The following PTPRT variants were observed in gnomAD, a reference collection of about 807,000 sequenced individuals.
PTPRT encodes protein tyrosine phosphatase receptor type T.
In PTPRT, 56 loss-of-function variants were observed where a neutral mutation model predicts 176.8. The observed-to-expected ratio is 0.32, with a 90% CI of 0.26 to 0.40. PTPRT has a LOEUF of 0.40. PTPRT is among the 10% of genes least tolerant of loss of function. The pLI, the probability that PTPRT is intolerant of heterozygous loss-of-function variation, is 1.00. For synonymous variants in PTPRT, 783 were observed against 739.0 expected, an observed-to-expected ratio of 1.06 and a Z score of -0.96; for missense variants, 1,540 against 1,908.2, an observed-to-expected ratio of 0.81 and a Z score of 3.60.
At chr20:43,002,560 A>G (rs553189253) in intron 1 of PTPRT, among the ~76,000 whole-genome samples, 190 of 152,298 alleles carry the variant, frequency 1.2e-3, no homozygotes, top group African/African-American at 4.4e-3. Flanking sequence ...CATTTACACT[A>G]CAAAAGCCAA....
chr20:43,083,377 T>C (rs1219202675), intron 1 of PTPRT, among the ~76,000 whole-genome samples: 2 of 137,054 alleles, frequency 1.5e-5, no homozygotes, highest in African/African-American at 5.4e-5. Flanking sequence ...TATACATTTT[T>C]TGAGACAGAG....
At chr20:42,131,403 T>C (rs1472994647) in intron 18 of PTPRT, among the ~76,000 whole-genome samples, 1 of 152,222 alleles carries the variant, frequency 6.6e-6, no homozygotes, top group Non-Finnish European at 1.5e-5. Flanking sequence ...CCTTTATTTG[T>C]TGAGTTATGC....
At chr20:42,099,549 G>A (rs376387495) in intron 26 of PTPRT, among the ~76,000 whole-genome samples, 2 of 60,420 alleles carry the variant, frequency 3.3e-5, no homozygotes, top group African/African-American at 4.7e-5. Context: ...GCCTGGGCGG[G>A]GGGGGGGGGG....
intron 1 of PTPRT, among the ~76,000 whole-genome samples, chr20:42,920,237 T>C (rs1046323723): frequency 5.3e-5 from 8 of 152,190 alleles, no homozygotes; most frequent in Non-Finnish European, 8.8e-5. Flanking sequence ...ACTATTAATA[T>C]ACGCAACAAG....
At chr20:42,737,048 G>A (rs1050521416) in intron 6 of PTPRT, among the ~76,000 whole-genome samples, 11 of 152,286 alleles carry the variant, frequency 7.2e-5, no homozygotes, top group Middle Eastern at 3.4e-3. Context: ...TGGGTGCTGC[G>A]GATTCAATTG....
intron 7 of PTPRT, among the ~76,000 whole-genome samples, chr20:42,608,124 G>T (rs1343182910): frequency 6.6e-6 from 1 of 152,148 alleles, no homozygotes; most frequent in Non-Finnish European, 1.5e-5. Context: ...CTTGCATCCA[G>T]ACTCCAGGCT....
At chr20:42,319,553 G>GA (rs1467768103) in intron 11 of PTPRT, among the ~76,000 whole-genome samples, 1 of 152,160 alleles carries the variant, frequency 6.6e-6, no homozygotes, top group Non-Finnish European at 1.5e-5. Flanking sequence ...AATGCAGCCA[G>GA]AAAAATTTAA....
intron 7 of PTPRT, among the ~76,000 whole-genome samples, chr20:42,509,783 G>T (rs1314742862): frequency 6.6e-6 from 1 of 152,026 alleles, no homozygotes; most frequent in African/African-American, 2.4e-5. Context: ...GTTTCAGACT[G>T]ATGTGTCTTA....
chr20:42,629,305 T>C (rs1056659927), intron 7 of PTPRT, among the ~76,000 whole-genome samples: 1 of 152,104 alleles, frequency 6.6e-6, no homozygotes, highest in Non-Finnish European at 1.5e-5. Context: ...AGTTTCTAAA[T>C]AGAGCAGATG....
intron 9 of PTPRT, among the ~76,000 whole-genome samples, chr20:42,399,859 G>T (rs190012660): frequency 2.5e-3 from 386 of 152,316 alleles, no homozygotes; most frequent in South Asian, 0.011. Flanking sequence ...TCACCCGGAA[G>T]AATGTATTGT....
intron 9 of PTPRT, among the ~76,000 whole-genome samples, chr20:42,435,435 A>G (rs1231277700): frequency 6.6e-6 from 1 of 152,138 alleles, no homozygotes. Context: ...TTGGCCATGG[A>G]AGAGGAAGTG....
chr20:42,338,851 C>T (rs1022665941), intron 11 of PTPRT, among the ~76,000 whole-genome samples: 3 of 152,072 alleles, frequency 2.0e-5, no homozygotes, highest in Non-Finnish European at 4.4e-5. Flanking sequence ...CAGACTGAAC[C>T]TCTGAACTGT....
In PTPRT at chr20:42,671,245, G is replaced by A. The variant is rs1462548699; in HGVS notation, c.1153+6621C>T. ...CTTTTAAACCTAATGGACACTCTGT[G>A]TATAATCCATCCAGAGCTGTACGAT... On this transcript the variant is annotated intron_variant, in intron 7 of 30. Transcript: ENST00000373187. Among the ~76,000 whole-genome samples, 8 of 152,160 alleles carry A rather than the reference G, an allele frequency of 5.3e-5. No individual in the cohort carries two copies. In the South Asian group the frequency reaches 8.3e-4, roughly 16 times the overall value.
At position 42,880,300 on chromosome 20, in the gene PTPRT, T is replaced by C. The variant is rs570585735; in HGVS notation, c.214+5507A>G. On this transcript the variant is annotated intron_variant, in intron 2 of 30. Coordinates refer to ENST00000373187, the MANE Select transcript of PTPRT (RefSeq NM_007050.6). Reference sequence around the variant, plus strand: ...CCTAGGGAAGAGGGAGCTCCAACAGTGCCTAAAATATAGTCTCAGCTCCCT... The same window carrying C: ...CCTAGGGAAGAGGGAGCTCCAACAGCGCCTAAAATATAGTCTCAGCTCCCT... Among the ~76,000 whole-genome samples, 9 of 152,252 alleles carry C rather than the reference T, an allele frequency of 5.9e-5. No individual in the cohort carries two copies. In the South Asian group the frequency reaches 1.9e-3, roughly 32 times the overall value.
intron 1 of PTPRT, among the ~76,000 whole-genome samples, chr20:43,096,881 A>C (rs1263254032): frequency 2.0e-5 from 3 of 152,142 alleles, no homozygotes; most frequent in Non-Finnish European, 4.4e-5. Context: ...AGACAGCATA[A>C]ATCCAATGGT....
At chr20:42,930,369 C>T (rs1039762154) in intron 1 of PTPRT, among the ~76,000 whole-genome samples, 15 of 152,342 alleles carry the variant, frequency 9.8e-5, no homozygotes, top group African/African-American at 3.6e-4. Context: ...ATTCATTCAA[C>T]AAAACTCCAC....
At chr20:42,825,716 T>C (rs1254088718) in intron 2 of PTPRT, among the ~76,000 whole-genome samples, 1 of 151,948 alleles carries the variant, frequency 6.6e-6, no homozygotes, top group Non-Finnish European at 1.5e-5. Context: ...AACAAACCCA[T>C]ATATACCAAG....
intron 7 of PTPRT, among the ~76,000 whole-genome samples, chr20:42,629,817 A>ATG (rs1330257284): frequency 2.0e-5 from 3 of 152,190 alleles, no homozygotes; most frequent in Non-Finnish European, 4.4e-5. Flanking sequence ...AAGGATCCAA[A>ATG]CGACATGGGA....
At chr20:42,913,926 T>C (rs1429028431) in intron 1 of PTPRT, among the ~76,000 whole-genome samples, 1 of 151,110 alleles carries the variant, frequency 6.6e-6, no homozygotes, top group Non-Finnish European at 1.5e-5. Context: ...TGGTTTTCTA[T>C]TTTTTATTTA....
Sources: gnomAD v4.1 joint callset for allele counts (sites outside exome capture counted in the v4.1 genomes callset) on GRCh38, gnomAD v4.1.1 for gene constraint, MANE v1.5 for transcripts, NCBI Gene and HGNC (gene_info 2026-07-23, HGNC 2026-07-21) for gene names.